The following CFAP20DC variants were observed in gnomAD, a reference collection of about 807,000 sequenced individuals.
The protein encoded by CFAP20DC is CFAP20 domain containing.
Under a neutral mutation model 101.7 loss-of-function variants are expected in CFAP20DC, and 84 were observed. The observed-to-expected ratio is 0.83, with a 90% CI of 0.69 to 0.99. The LOEUF is 0.99. CFAP20DC is among the 50% of genes least tolerant of loss of function. CFAP20DC has a pLI of 0.00. For synonymous variants in CFAP20DC, 359 were observed against 351.2 expected (o/e 1.02, Z -0.25); for missense variants, 1,007 against 970.3 (o/e 1.04, Z -0.50).
intron 4 of CFAP20DC, chr3:58,970,512 C>T (rs1238923645): frequency 3.3e-5 from 5 of 152,156 alleles, no homozygotes; most frequent in African/African-American, 9.7e-5. Flanking sequence ...CTCAGTGCCT[C>T]CAGAAGGAAC....
chr3:58,981,453 A>C (rs1303801199), intron 4 of CFAP20DC, among the ~76,000 whole-genome samples: 3 of 152,208 alleles, frequency 2.0e-5, no homozygotes. Flanking sequence ...CTGACTTCAA[A>C]CTATACTACA....
chr3:58,771,478 T>A (rs2107498813), intron 15 of CFAP20DC, among the ~76,000 whole-genome samples: 1 of 152,240 alleles, frequency 6.6e-6, no homozygotes. Context: ...AATATCCATT[T>A]CCCAGTGTGT....
intron 13 of CFAP20DC, among the ~76,000 whole-genome samples, chr3:58,838,839 T>C (rs908909521): frequency 6.6e-6 from 1 of 152,170 alleles, no homozygotes; most frequent in African/African-American, 2.4e-5. Flanking sequence ...AACTATACAC[T>C]AGAAGGAATA....
chr3:58,993,544 C>T (rs1404365949), intron 4 of CFAP20DC, among the ~76,000 whole-genome samples: 1 of 152,110 alleles, frequency 6.6e-6, no homozygotes, highest in Non-Finnish European at 1.5e-5. Context: ...GTATTAAGCT[C>T]ATCACCCATT....
chr3:58,796,566 T>G (rs2073259551), intron 15 of CFAP20DC, among the ~76,000 whole-genome samples: 1 of 152,088 alleles, frequency 6.6e-6, no homozygotes, highest in Admixed American at 6.5e-5. Flanking sequence ...ACTAAGGACC[T>G]CTCCAGGAAC....
intron 14 of CFAP20DC, among the ~76,000 whole-genome samples, chr3:58,816,543 A>T (rs1024828779): frequency 6.6e-6 from 1 of 152,174 alleles, no homozygotes; most frequent in African/African-American, 2.4e-5. Flanking sequence ...CGCATCTGGA[A>T]AATCGGGTGA....
chr3:58,730,096 G>C (rs1253151126), intron 3 of CFAP20DC, among the ~76,000 whole-genome samples: 1 of 149,596 alleles, frequency 6.7e-6, no homozygotes, highest in African/African-American at 2.5e-5. Context: ...CTGTCATTTT[G>C]TCATTTTAAG....
At chr3:59,004,121 G>T (rs560501426) in intron 4 of CFAP20DC, among the ~76,000 whole-genome samples, 1 of 152,276 alleles carries the variant, frequency 6.6e-6, no homozygotes, top group Non-Finnish European at 1.5e-5. Context: ...GGTCAAGCTA[G>T]AAAGAGAAAG....
At chr3:58,996,896 C>A (rs62252900) in intron 4 of CFAP20DC, among the ~76,000 whole-genome samples, 1 of 152,120 alleles carries the variant, frequency 6.6e-6, no homozygotes, top group Non-Finnish European at 1.5e-5. Flanking sequence ...GAGCGCACAC[C>A]GGGGTGGAGC....
chr3:58,860,456 C>T (rs1231477080), intron 12 of CFAP20DC, among the ~76,000 whole-genome samples: 1 of 152,152 alleles, frequency 6.6e-6, no homozygotes, highest in Non-Finnish European at 1.5e-5. Flanking sequence ...TCCGGCTAAT[C>T]TGAACACTAC....
At chr3:58,967,435 T>G (rs2108312802) in intron 4 of CFAP20DC, among the ~76,000 whole-genome samples, 1 of 152,278 alleles carries the variant, frequency 6.6e-6, no homozygotes, top group African/African-American at 2.4e-5. Context: ...AGTGAAAATC[T>G]TCATGCCCTC....
At chr3:58,823,493 G>C (rs1421310030) in intron 14 of CFAP20DC, among the ~76,000 whole-genome samples, 1 of 152,036 alleles carries the variant, frequency 6.6e-6, no homozygotes, top group Non-Finnish European at 1.5e-5. Flanking sequence ...CTAATTCTTG[G>C]TAGATATGAT....
chr3:58,840,065 G>C (rs1319738467), intron 13 of CFAP20DC, among the ~76,000 whole-genome samples: 1 of 152,194 alleles, frequency 6.6e-6, no homozygotes, highest in African/African-American at 2.4e-5. Context: ...CAGAGGGACA[G>C]GAACAAGTTA....
At chr3:58,990,754 GGTGT>G (rs71091398) in intron 4 of CFAP20DC, among the ~76,000 whole-genome samples, 1,627 of 143,970 alleles carry the variant, frequency 0.011, 29 homozygotes, top group African/African-American at 0.038. Flanking sequence ...ATGCTCAGCT[GGTGT>G]GTGTGTGTGT....
chr3:58,917,621 T>C (rs761368284), intron 5 of CFAP20DC, among the ~76,000 whole-genome samples: 1 of 152,210 alleles, frequency 6.6e-6, no homozygotes, highest in African/African-American at 2.4e-5. Flanking sequence ...TTTATTCTTG[T>C]GTCTTTAAAA....
chr3:58,909,374 C>T (rs562202653), intron 6 of CFAP20DC, among the ~76,000 whole-genome samples: 16 of 152,190 alleles, frequency 1.1e-4, no homozygotes, highest in South Asian at 8.3e-4. Context: ...TGATATATTA[C>T]GATATTTCTT....
In CFAP20DC at chr3:58,835,138, C is replaced by G. The variant is rs374463742; in HGVS notation, c.1972-3249G>C. 1.8e-4 allele frequency among the ~76,000 whole-genome samples: 28 copies of G among 152,250 alleles called. No individual in the cohort carries two copies. The East Asian group carries it at 5.0e-3, about 27-fold the overall frequency. ...TCATCCATTCTGTAAATGCTAGGAA[C>G]TGGGAGCACAAAGAAAACAAGACAT... is the stretch of plus-strand genomic sequence containing the variant. On this transcript the variant is annotated intron_variant, in intron 13 of 16. Transcript: ENST00000482387.
At position 58,869,789 on chromosome 3, in the gene CFAP20DC, A is replaced by T. The variant is rs1229920511; in HGVS notation, c.853-299T>A. 6.6e-6 allele frequency among the ~76,000 whole-genome samples: 1 copy of T among 152,180 alleles called. No homozygotes were observed. Among genetic ancestry groups the T allele is most frequent in the Non-Finnish European group, 1.5e-5 (1 of 68,038 alleles). Reference sequence around the variant, plus strand: ...AATTAAAAATCACGCGTATGTCAGAAATTCGGAGGAAATTAAAAATAAAAA... The same window carrying T: ...AATTAAAAATCACGCGTATGTCAGATATTCGGAGGAAATTAAAAATAAAAA... On this transcript the variant is annotated intron_variant, in intron 8 of 16. Transcript: ENST00000482387. The surrounding 1 kb of genome is among the most constrained non-coding windows in gnomAD (Gnocchi z 4.3).
Position 59,007,528 on chromosome 3 carries a change from GACA to G in CFAP20DC, c.278+32026_278+32028del, listed in dbSNP as rs2093466193. Among the ~76,000 whole-genome samples, 1 of 152,190 alleles carries G rather than the reference GACA, an allele frequency of 6.6e-6. No homozygotes were observed. Among genetic ancestry groups the G allele is most frequent in the African/African-American group, 2.4e-5 (1 of 41,450 alleles). Reference sequence around the variant, plus strand: ...CAAGAGGGCCTGAGTCTGTCCATGCGACAACTTCACTGCTAGCATAACCAGCAT... The same window carrying G: ...CAAGAGGGCCTGAGTCTGTCCATGCGACTTCACTGCTAGCATAACCAGCAT... On this transcript the variant is annotated intron_variant, in intron 4 of 16. Coordinates refer to ENST00000482387, the MANE Select transcript of CFAP20DC (RefSeq NM_001394063.1). The surrounding 1 kb of genome is among the most constrained non-coding windows in gnomAD (Gnocchi z 4.4).
Sources: gnomAD v4.1 joint callset for allele counts (sites outside exome capture counted in the v4.1 genomes callset) on GRCh38, gnomAD v4.1.1 for gene constraint, Gnocchi (gnomAD v3.1) non-coding constraint, MANE v1.5 for transcripts, NCBI Gene and HGNC (gene_info 2026-07-23, HGNC 2026-07-21) for gene names.